The following UNC5D variants were observed in gnomAD, a reference collection of about 807,000 sequenced individuals.
UNC5D encodes netrin receptor UNC5D.
A neutral mutation model predicts 105.4 loss-of-function variants in UNC5D; 39 were observed. That is an observed-to-expected ratio of 0.37 (90% confidence interval 0.29 to 0.48). The LOEUF is 0.48. UNC5D is among the 20% of genes least tolerant of loss of function. UNC5D has a pLI of 0.98. For synonymous variants in UNC5D, 452 were observed against 450.4 expected (o/e 1.00, Z -0.04); for missense variants, 991 against 1,202.4 (o/e 0.82, Z 2.60).
At chr8:35,616,301 T>C (rs1333149026) in intron 4 of UNC5D, among the ~76,000 whole-genome samples, 1 of 152,258 alleles carries the variant, frequency 6.6e-6, no homozygotes, top group Non-Finnish European at 1.5e-5. Context: ...TATTGTGTGC[T>C]GAGCACCAGC....
intron 1 of UNC5D, among the ~76,000 whole-genome samples, chr8:35,268,345 C>A (rs1183668273): frequency 6.6e-6 from 1 of 151,970 alleles, no homozygotes; most frequent in African/African-American, 2.4e-5. Context: ...TTAATAAGTG[C>A]ACCCAGAAAT....
At chr8:35,267,827 G>A (rs1220914875) in intron 1 of UNC5D, among the ~76,000 whole-genome samples, 4 of 152,054 alleles carry the variant, frequency 2.6e-5, no homozygotes, top group African/African-American at 7.2e-5. Flanking sequence ...AAATGAATAC[G>A]TATTTTTTTT....
At chr8:35,364,859 G>C (rs1802027516) in intron 1 of UNC5D, among the ~76,000 whole-genome samples, 1 of 152,060 alleles carries the variant, frequency 6.6e-6, no homozygotes, top group Non-Finnish European at 1.5e-5. Flanking sequence ...TGTTAATCAA[G>C]GAATATAGAA....
At chr8:35,377,811 A>G (rs1195801276) in intron 1 of UNC5D, among the ~76,000 whole-genome samples, 2 of 152,212 alleles carry the variant, frequency 1.3e-5, no homozygotes, top group African/African-American at 4.8e-5. Flanking sequence ...TGAATGCCTC[A>G]TGTGAGTCAT....
chr8:35,282,773 C>T (rs957434729), intron 1 of UNC5D, among the ~76,000 whole-genome samples: 2 of 150,988 alleles, frequency 1.3e-5, no homozygotes, highest in African/African-American at 4.9e-5. Flanking sequence ...GTTATCCCAT[C>T]CTGGAATAAT....
chr8:35,574,260 A>G (rs1026687111), intron 3 of UNC5D, among the ~76,000 whole-genome samples: 2 of 152,198 alleles, frequency 1.3e-5, no homozygotes, highest in Non-Finnish European at 2.9e-5. Flanking sequence ...CTTTTCTCCC[A>G]TATGACTGTT....
At chr8:35,421,906 A>G (rs1347457285) in intron 1 of UNC5D, among the ~76,000 whole-genome samples, 1 of 152,200 alleles carries the variant, frequency 6.6e-6, no homozygotes, top group African/African-American at 2.4e-5. Context: ...GGCTTTTCTG[A>G]ATATATATTC....
intron 4 of UNC5D, among the ~76,000 whole-genome samples, chr8:35,634,133 G>A (rs541379917): frequency 3.3e-5 from 5 of 152,282 alleles, no homozygotes; most frequent in African/African-American, 1.2e-4. Flanking sequence ...TCTCTGTAGG[G>A]TGTTGTTAAC....
Position 35,487,593 on chromosome 8 carries a change from A to ACACACACACACACACACC in UNC5D, c.104-61698_104-61697insACACACACACACACACCC, listed in dbSNP as rs1415748793. On this transcript the variant is annotated intron_variant, in intron 1 of 16. Transcript: ENST00000404895. ...CACACACACACACACACACACACAC[A>ACACACACACACACACACC]CCCCACAGACTGTTAGTTTTAGTTC... Among the ~76,000 whole-genome samples the ACACACACACACACACACC allele has an allele frequency of 3.3e-4, 50 of 150,588 alleles. 1 individual carries two copies. Among genetic ancestry groups the ACACACACACACACACACC allele is most frequent in the African/African-American group, 1.1e-3 (44 of 40,712 alleles).
intron 7 of UNC5D, among the ~76,000 whole-genome samples, chr8:35,701,795 T>C (rs967717860): frequency 6.6e-6 from 1 of 151,666 alleles, no homozygotes; most frequent in African/African-American, 2.4e-5. Flanking sequence ...TTCATATCTA[T>C]AAAATCACAG....
intron 1 of UNC5D, among the ~76,000 whole-genome samples, chr8:35,324,067 C>CA (rs963917951): frequency 6.6e-6 from 1 of 151,330 alleles, no homozygotes; most frequent in African/African-American, 2.4e-5. Flanking sequence ...CCATCTATAC[C>CA]AAAAAGTTAA....
intron 4 of UNC5D, among the ~76,000 whole-genome samples, chr8:35,644,059 T>C (rs1051540726): frequency 2.6e-5 from 4 of 152,162 alleles, no homozygotes; most frequent in Non-Finnish European, 4.4e-5. Flanking sequence ...CTGCCACAGT[T>C]TCACTATGCA....
chr8:35,602,930 G>A (rs1819998111), intron 4 of UNC5D, among the ~76,000 whole-genome samples: 1 of 131,748 alleles, frequency 7.6e-6, no homozygotes, highest in Admixed American at 9.8e-5. Flanking sequence ...GTGTCCATTT[G>A]TGCTCATTGT....
At chr8:35,258,830 C>T (rs534214023) in intron 1 of UNC5D, among the ~76,000 whole-genome samples, 106 of 152,216 alleles carry the variant, frequency 7.0e-4, no homozygotes, top group African/African-American at 2.4e-3. Context: ...TATGGCATCA[C>T]AGCCAAGAGC....
At chr8:35,675,580 G>T (rs1397408213) in intron 4 of UNC5D, among the ~76,000 whole-genome samples, 2 of 152,140 alleles carry the variant, frequency 1.3e-5, no homozygotes, top group Non-Finnish European at 2.9e-5. Flanking sequence ...GGCTGGAAAT[G>T]AAGTGTAGGA....
intron 1 of UNC5D, among the ~76,000 whole-genome samples, chr8:35,405,421 C>T (rs1319719884): frequency 6.6e-6 from 1 of 152,144 alleles, no homozygotes; most frequent in Non-Finnish European, 1.5e-5. Context: ...TAAGCTGAGC[C>T]TATGATGCCC....
At chr8:35,421,569 T>A (rs1365756732) in intron 1 of UNC5D, among the ~76,000 whole-genome samples, 2 of 152,202 alleles carry the variant, frequency 1.3e-5, no homozygotes, top group Non-Finnish European at 2.9e-5. Flanking sequence ...CAGTTTTGTA[T>A]AAAAACTAGT....
At chr8:35,345,736 T>C (rs559953821) in intron 1 of UNC5D, among the ~76,000 whole-genome samples, 4 of 152,172 alleles carry the variant, frequency 2.6e-5, no homozygotes, top group Admixed American at 2.6e-4. Context: ...AGACTTTTTT[T>C]TAACCTCAAA....
At chr8:35,519,201 T>C (rs1813298237) in intron 1 of UNC5D, among the ~76,000 whole-genome samples, 1 of 152,184 alleles carries the variant, frequency 6.6e-6, no homozygotes, top group African/African-American at 2.4e-5. Flanking sequence ...TTCAGATTTA[T>C]CTATATCTTG....
Sources: gnomAD v4.1 joint callset for allele counts (sites outside exome capture counted in the v4.1 genomes callset) on GRCh38, gnomAD v4.1.1 for gene constraint, MANE v1.5 for transcripts, NCBI Gene and HGNC (gene_info 2026-07-23, HGNC 2026-07-21) for gene names.